Variants in FASTKD3 observed in about 807,000 individuals in gnomAD.
FASTKD3 encodes FAST kinase domain-containing protein 3, mitochondrial.
Under a neutral mutation model 49.7 loss-of-function variants are expected in FASTKD3, and 47 were observed. The observed-to-expected ratio is 0.95, with a 90% CI of 0.75 to 1.21. The LOEUF (loss-of-function observed/expected upper bound fraction) is 1.21, where lower values mean the gene tolerates loss of function less well. Among genes scored for constraint, FASTKD3 ranks in the 50% most tolerant of loss-of-function variants. The probability of loss-of-function intolerance (pLI) is 0.00; values close to 1 mark genes in which losing one functional copy is unlikely to be tolerated. For missense variants in FASTKD3, 748 were observed against 765.7 expected (o/e 0.98, Z 0.27); for synonymous variants, 284 against 288.6 (o/e 0.98, Z 0.16).
At chr5:7,863,682 C>T (rs1206864919) in intron 3 of FASTKD3, among the ~76,000 whole-genome samples, 2 of 152,052 alleles carry the variant, frequency 1.3e-5, no homozygotes, top group African/African-American at 2.4e-5. Flanking sequence ...ATATAATAAA[C>T]GATGCTGGAG....
chr5:7,860,247 C>G (rs562022931), intron 6 of FASTKD3, among the ~76,000 whole-genome samples: 1 of 152,258 alleles, frequency 6.6e-6, no homozygotes, highest in South Asian at 2.1e-4. Flanking sequence ...AGATATGAAA[C>G]CACAGTGCTG....
intron 5 of FASTKD3, 64 bp from the exon 6 acceptor site, chr5:7,861,327 T>C: frequency 2.1e-6 from 2 of 939,058 alleles, no homozygotes; most frequent in Non-Finnish European, 3.1e-6. Flanking sequence ...TTATTATATA[T>C]TTTAGTTGCC....
At position 7,867,642 on chromosome 5, in the gene FASTKD3, C is replaced by G; in HGVS notation, c.442G>C (p.Gly148Arg). The G allele has an allele frequency of 1.9e-6, 3 of 1,614,230 alleles. No homozygotes were observed. Among genetic ancestry groups the G allele is most frequent in the Non-Finnish European group, 2.5e-6 (3 of 1,180,044 alleles). ...TTCTCCAGTATTTCTTTTGGCAGCC[C>G]TTGATCACCATCCTTTTTTTCCACT... ...CEVEKKDGDQGLPKEILENSI... is the reference protein window; with the variant it reads ...CEVEKKDGDQRLPKEILENSI... Residue 148 changes from glycine (G) to arginine (R), a missense_variant, in exon 2 of 7, where the codon GGG becomes CGG. Physicochemically the swap from Gly to Arg is moderately radical, Grantham distance 125. Around this residue, in one of 3 missense-constraint regions of FASTKD3, gnomAD observed 564 missense variants for 562.8 expected, o/e 1.00. Transcript: ENST00000264669.
At position 7,867,110 on chromosome 5, in the gene FASTKD3, T is replaced by C. The variant is rs149768601; in HGVS notation, c.974A>G (p.His325Arg). 2.7e-5 allele frequency: 43 copies of C among 1,614,078 alleles called. No individual in the cohort carries two copies. Among genetic ancestry groups the C allele is most frequent in the Admixed American group, 3.3e-5 (2 of 60,006 alleles). The part of the protein sequence containing the change: ...IIKLGKYVVR[H>R]VPHFTNEELR... ...CTCCTCGTTAGTGAAATGTGGGACA[T>C]GCCTCACGACATATTTGCCCAATTT... Residue 325 changes from histidine to arginine, a missense_variant, in exon 2 of 7, where the codon CAT (histidine) becomes CGT (arginine). Physicochemically the swap from His to Arg is conservative, Grantham distance 29. Around this residue, in one of 3 missense-constraint regions of FASTKD3, gnomAD observed 564 missense variants for 562.8 expected, o/e 1.00. Coordinates refer to ENST00000264669, the MANE Select transcript of FASTKD3 (RefSeq NM_024091.4).
chr5:7,865,636 A>T (rs1435027032), intron 3 of FASTKD3, among the ~76,000 whole-genome samples: 1 of 152,204 alleles, frequency 6.6e-6, no homozygotes, highest in African/African-American at 2.4e-5. Context: ...CTTCAGAGAG[A>T]ATGGAGAAAT....
At position 7,866,010 on chromosome 5, in the gene FASTKD3, G is replaced by T. The variant is rs369978610; in HGVS notation, c.1439-27C>A. On this transcript the variant is annotated intron_variant, in intron 2 of 6. Transcript: ENST00000264669. ...TGAAACAGAAAGCATCCCAGTCATA[G>T]TTACGTCTGAATTGAGGTATGTATG... 2.1e-4 allele frequency: 321 copies of T among 1,563,256 alleles called. 1 individual carries two copies. The highest frequency in any genetic ancestry group is 3.0e-5 in the Non-Finnish European group (34 of 1,137,498).
intron 6 of FASTKD3, 148 bp from the exon 7 acceptor site, chr5:7,859,687 C>T: frequency 1.8e-6 from 1 of 544,032 alleles, no homozygotes; most frequent in Admixed American, 3.6e-5. Context: ...CTTCTTCATC[C>T]TGTATCCCCA....
chr5:7,864,872 A>G (rs1020921995), intron 3 of FASTKD3, among the ~76,000 whole-genome samples: 3 of 152,108 alleles, frequency 2.0e-5, no homozygotes, highest in Non-Finnish European at 4.4e-5. Flanking sequence ...TTGGGAATCT[A>G]GTTTATATAT....
At chr5:7,860,170 A>C (rs1221621224) in intron 6 of FASTKD3, among the ~76,000 whole-genome samples, 1 of 152,194 alleles carries the variant, frequency 6.6e-6, no homozygotes. Flanking sequence ...GCTTCTGAGT[A>C]GACACTGGCA....
chr5:7,866,200 TAA>T (rs1335718261), intron 2 of FASTKD3, among the ~76,000 whole-genome samples: 6 of 151,710 alleles, frequency 4.0e-5, no homozygotes, highest in African/African-American at 7.3e-5. Flanking sequence ...AGAATACAAT[TAA>T]AAGAGATAAA....
rs141611129 is a variant in FASTKD3 at position 7,860,627 on chromosome 5, C to G, written c.1884+522G>C. On this transcript the variant is annotated intron_variant, in intron 6 of 6. Transcript: ENST00000264669. ...TTGGGATTTAAACTAGACGTAAGAT[C>G]GGTGGTCCACTGGGCTGGCAAACCA... 2.0e-5 allele frequency among the ~76,000 whole-genome samples: 3 copies of G among 152,260 alleles called. No individual in the cohort carries two copies. In the South Asian group the frequency reaches 6.2e-4, roughly 32 times the overall value.
At chr5:7,868,886 C>G in intron 1 of FASTKD3, 93 bp downstream of exon 1, 1 of 576,302 alleles carries the variant, frequency 1.7e-6, no homozygotes, top group Non-Finnish European at 3.1e-6. Context: ...TGCGCTGAGA[C>G]ACGGGCCGGG....
At position 7,867,364 on chromosome 5, in the gene FASTKD3, TATA is replaced by T. The variant is rs559182247; in HGVS notation, c.717_719del (p.Ile240del). 0.017 allele frequency: 27,019 copies of T among 1,614,186 alleles called. 268 individuals carry two copies. Among genetic ancestry groups the T allele is most frequent in the South Asian group, 0.023 (2,053 of 91,088 alleles). On this transcript the variant is annotated inframe_deletion, in exon 2 of 7. Coordinates refer to ENST00000264669, the MANE Select transcript of FASTKD3 (RefSeq NM_024091.4). The stretch of plus-strand genomic sequence containing the variant: ...CCAATTTTTCACCTTGAAGTTGATT[TATA>T]ATGAGTTCTAGTGTCACACAACCTG...
chr5:7,861,727 C>T (rs1471024860), intron 4 of FASTKD3, 75 bp from the exon 5 acceptor site: 2 of 1,543,626 alleles, frequency 1.3e-6, no homozygotes, highest in East Asian at 2.4e-5. Context: ...CATTCCTTTG[C>T]TTTGCTTTGA....
At position 7,866,913 on chromosome 5, in the gene FASTKD3, C is replaced by T; in HGVS notation, c.1171G>A (p.Ala391Thr). Reference sequence around the variant, plus strand: ...TGGCAAACAAAAGTTTCTGCCACTGCATTGAGGATGGGTTTTGAAAGAATC... The same window carrying T: ...TGGCAAACAAAAGTTTCTGCCACTGTATTGAGGATGGGTTTTGAAAGAATC... Reference protein sequence around the residue: ...ELILSKPILNAVAETFVCQTE... With the variant: ...ELILSKPILNTVAETFVCQTE... The change falls in exon 2 of 7, where the codon GCA becomes ACA. Residue 391 changes from alanine to threonine, a missense_variant. Physicochemically the swap from Ala to Thr is moderately conservative, Grantham distance 58. This residue lies in a region of FASTKD3 where 564 missense variants were observed against 562.8 expected (regional missense o/e 1.00). Transcript: ENST00000264669. The T allele has an allele frequency of 1.9e-6, 3 of 1,614,136 alleles. No homozygotes were observed. Among genetic ancestry groups the T allele is most frequent in the Non-Finnish European group, 2.5e-6 (3 of 1,180,034 alleles).
At chr5:7,864,433 G>T (rs986106662) in intron 3 of FASTKD3, among the ~76,000 whole-genome samples, 1 of 151,922 alleles carries the variant, frequency 6.6e-6, no homozygotes, top group African/African-American at 2.4e-5. Context: ...AGACAGATTC[G>T]ACTACAGAAC....
Position 7,867,036 on chromosome 5 carries a change from A to G in FASTKD3, c.1048T>C (p.Phe350Leu). 1.2e-6 allele frequency: 2 copies of G among 1,614,150 alleles called. No individual in the cohort carries two copies. Among genetic ancestry groups the G allele is most frequent in the Middle Eastern group, 1.6e-4 (1 of 6,062 alleles). Residue 350 changes from phenylalanine to leucine, a missense_variant, in exon 2 of 7, where the codon TTT becomes CTT. Around this residue, in one of 3 missense-constraint regions of FASTKD3, gnomAD observed 564 missense variants for 562.8 expected, o/e 1.00. Transcript: ENST00000264669. ...AFIYFGHHDT[F>L]FTKALEHRVA... is the part of the protein sequence containing the mutation. ...CGATGCTCTAGGGCTTTTGTAAAAA[A>G]TGTGTCATGGTGCCCAAAATATATG...
intron 6 of FASTKD3, among the ~76,000 whole-genome samples, chr5:7,859,741 AT>A (rs1746395834): frequency 6.6e-6 from 1 of 152,250 alleles, no homozygotes; most frequent in African/African-American, 2.4e-5. Flanking sequence ...CTTGGTAAAT[AT>A]TTGATGAATT....
intron 2 of FASTKD3, among the ~76,000 whole-genome samples, 185 bp downstream of exon 2, chr5:7,866,461 C>CCT (rs1326280479): frequency 6.6e-6 from 1 of 152,160 alleles, no homozygotes; most frequent in Non-Finnish European, 1.5e-5. Flanking sequence ...AGCTTTCTTC[C>CCT]CTCTACATGA....
Sources: gnomAD v4.1 joint callset for allele counts (sites outside exome capture counted in the v4.1 genomes callset) on GRCh38, gnomAD v4.1.1 for gene constraint, gnomAD v4.1.1 regional missense constraint, MANE v1.5 for transcripts, NCBI Gene and HGNC (gene_info 2026-07-23, HGNC 2026-07-21) for gene names.